The following PLSCR2 variants were observed in gnomAD, a reference collection of about 807,000 sequenced individuals.
PLSCR2 encodes phospholipid scramblase 2, also known as PL scramblase 2.
Under a neutral mutation model 25.3 loss-of-function variants are expected in PLSCR2, and 18 were observed. The ratio of observed to expected loss-of-function variants is 0.71; its 90% CI spans 0.49 to 1.06. The LOEUF (loss-of-function observed/expected upper bound fraction) is 1.06, where lower values mean the gene tolerates loss of function less well. Among genes scored for constraint, PLSCR2 ranks in the 50% least tolerant of loss-of-function variants. PLSCR2 has a pLI of 0.00. For missense variants in PLSCR2, 243 were observed against 269.5 expected, an observed-to-expected ratio of 0.90 and a Z score of 0.69; for synonymous variants, 88 against 87.3, an observed-to-expected ratio of 1.01 and a Z score of -0.04.
At chr3:146,407,170 C>T (rs1003918985) in intron 2 of PLSCR2, among the ~76,000 whole-genome samples, 1 of 152,102 alleles carries the variant, frequency 6.6e-6, no homozygotes, top group Admixed American at 6.6e-5. Flanking sequence ...GTTCTACCTA[C>T]CTAGAGCTCT....
At position 146,443,561 on chromosome 3, in the gene PLSCR2, T is replaced by C. The variant is rs973698399; in HGVS notation, c.646-1740A>G. Among the ~76,000 whole-genome samples, 388 of 152,148 alleles carry C rather than the reference T, an allele frequency of 2.6e-3. 2 individuals carry two copies. Among genetic ancestry groups the C allele is most frequent in the African/African-American group, 9.1e-3 (378 of 41,574 alleles). ...CTTATTGGCATACAGTTGCTGACAG[T>C]AGTCTTTAACGATCCTTTGAATTTC... On this transcript the variant is annotated intron_variant, in intron 6 of 6. Coordinates refer to ENST00000610787, the Ensembl canonical transcript of PLSCR2.
chr3:146,490,118 CTG>C (rs902871114), intron 1 of PLSCR2, among the ~76,000 whole-genome samples: 1 of 152,026 alleles, frequency 6.6e-6, no homozygotes, highest in Non-Finnish European at 1.5e-5. Flanking sequence ...TTCTCTCTTA[CTG>C]TGGACTTCTG....
At position 146,404,822 on chromosome 3, in the gene PLSCR2, G is replaced by GGA. The variant is rs1179140766; in HGVS notation, c.101-8902_101-8901insTC. Among the ~76,000 whole-genome samples the GGA allele has an allele frequency of 8.3e-5, 6 of 72,268 alleles. 1 individual carries two copies. The highest frequency in any genetic ancestry group is 3.8e-4 in the Admixed American group (3 of 7,992). 47.4% of individuals were successfully genotyped at this position (72,268 alleles called of 152,430 possible). On this transcript the variant is annotated intron_variant and NMD_transcript_variant, in intron 2 of 3. Transcript: ENST00000463633. ...GGAAGAAATAGGCAAAAAAAAAAAA[G>GGA]GGGGGGGGTGGTGGTTAACTGGTCC...
At chr3:146,454,663 G>T (rs1463886134) in intron 4 of PLSCR2, among the ~76,000 whole-genome samples, 1 of 152,092 alleles carries the variant, frequency 6.6e-6, no homozygotes, top group Non-Finnish European at 1.5e-5. Context: ...GGAGTAGGCT[G>T]CCATGCAATA....
chr3:146,462,096 C>G, upstream of PLSCR2: 1 of 485,778 alleles, frequency 2.1e-6, no homozygotes, highest in Non-Finnish European at 3.6e-6. Context: ...AATATGCTGT[C>G]TATACATTTG....
At chr3:146,407,763 T>C (rs1049286982) in intron 2 of PLSCR2, among the ~76,000 whole-genome samples, 3 of 152,148 alleles carry the variant, frequency 2.0e-5, no homozygotes, top group Admixed American at 1.3e-4. Flanking sequence ...CTTTTTGCGC[T>C]GAGGTGTTTG....
chr3:146,473,226 T>C (rs506791), intron 1 of PLSCR2, among the ~76,000 whole-genome samples: 80,470 of 151,048 alleles, frequency 0.53, 21,727 homozygotes, highest in Admixed American at 0.64. Context: ...TCATCCTTGG[T>C]TTATTACAGC....
At chr3:146,433,110 T>G (rs747688006), downstream of PLSCR2, among the ~76,000 whole-genome samples, 7 of 152,150 alleles carry the variant, frequency 4.6e-5, no homozygotes, top group Non-Finnish European at 8.8e-5. Flanking sequence ...TTTATTGTGT[T>G]AGCTATCTAT....
exon 4 of PLSCR2, chr3:146,391,486 C>A (rs1254100592): frequency 1.3e-5 from 2 of 152,414 alleles, no homozygotes; most frequent in Non-Finnish European, 2.9e-5. Flanking sequence ...TGAGGGCTGG[C>A]AAAAATAAAT....
downstream of PLSCR2, among the ~76,000 whole-genome samples, chr3:146,440,879 T>G (rs769547102): frequency 6.6e-6 from 1 of 152,218 alleles, no homozygotes; most frequent in Non-Finnish European, 1.5e-5. Context: ...AAGTATGCTT[T>G]GTAAAGATAC....
At chr3:146,454,966 A>G (rs1193000910) in intron 4 of PLSCR2, among the ~76,000 whole-genome samples, 3 of 152,230 alleles carry the variant, frequency 2.0e-5, no homozygotes, top group Non-Finnish European at 4.4e-5. Flanking sequence ...AAATGATTTG[A>G]AAAAGGTGCC....
At chr3:146,485,689 T>C (rs756918234) in intron 1 of PLSCR2, among the ~76,000 whole-genome samples, 1 of 152,080 alleles carries the variant, frequency 6.6e-6, no homozygotes, top group Non-Finnish European at 1.5e-5. Flanking sequence ...AACAACCTAC[T>C]CCTGAATGAC....
chr3:146,434,438 T>C (rs542603714), intron 8 of PLSCR2, among the ~76,000 whole-genome samples: 79 of 151,998 alleles, frequency 5.2e-4, no homozygotes, highest in African/African-American at 1.7e-3. Context: ...AAAATGAAAG[T>C]CCAATTGTAG....
chr3:146,477,452 C>T (rs488053), intron 1 of PLSCR2, among the ~76,000 whole-genome samples: 17 of 152,050 alleles, frequency 1.1e-4, no homozygotes, highest in East Asian at 3.9e-4. Context: ...TGGCTCGGCA[C>T]GTCCCACACC....
intron 2 of PLSCR2, chr3:146,401,505 T>C (rs1161600335): frequency 1.3e-5 from 2 of 152,546 alleles, no homozygotes; most frequent in Non-Finnish European, 2.9e-5. Context: ...ATAAATTCTC[T>C]GTCCTTGATT....
intron 2 of PLSCR2, among the ~76,000 whole-genome samples, chr3:146,397,616 A>G (rs1559966599): frequency 6.6e-6 from 1 of 152,158 alleles, no homozygotes; most frequent in Non-Finnish European, 1.5e-5. Context: ...TTCGCTTCAA[A>G]CAGAAAAAAT....
intron 1 of PLSCR2, among the ~76,000 whole-genome samples, chr3:146,475,745 G>A (rs1246490660): frequency 1.3e-5 from 2 of 152,100 alleles, no homozygotes; most frequent in African/African-American, 4.8e-5. Context: ...TTTTGTGTTT[G>A]GGGACACTAT....
chr3:146,430,809 C>T (rs560347383), downstream of PLSCR2, among the ~76,000 whole-genome samples: 6 of 151,250 alleles, frequency 4.0e-5, no homozygotes, highest in Admixed American at 3.3e-4. Context: ...ATCTCTTAGC[C>T]TTGTTCTTTC....
At chr3:146,433,015 T>A (rs1442776745), downstream of PLSCR2, among the ~76,000 whole-genome samples, 1 of 152,192 alleles carries the variant, frequency 6.6e-6, no homozygotes, top group Admixed American at 6.5e-5. Flanking sequence ...GAAATTGACA[T>A]ATTTGTTTGC....
Sources: gnomAD v4.1 joint callset for allele counts (sites outside exome capture counted in the v4.1 genomes callset) on GRCh38, gnomAD v4.1.1 for gene constraint, MANE v1.5 for transcripts, NCBI Gene and HGNC (gene_info 2026-07-23, HGNC 2026-07-21) for gene names.